ANTXR2: variants seen among roughly 807,000 people sequenced by gnomAD.
ANTXR2 encodes the protein anthrax toxin receptor 2.
In ANTXR2, 44 loss-of-function variants were observed where a neutral mutation model predicts 73.7. The ratio of observed to expected loss-of-function variants is 0.60; its 90% CI spans 0.47 to 0.77. The LOEUF is 0.77. Ranked by LOEUF, ANTXR2 falls within the 30% of genes least tolerant of loss-of-function variation. The probability of loss-of-function intolerance (pLI) is 0.00; values close to 1 mark genes in which losing one functional copy is unlikely to be tolerated. For missense variants in ANTXR2, 604 were observed against 592.5 expected (o/e 1.02, Z -0.20); for synonymous variants, 217 against 205.9 (o/e 1.05, Z -0.46).
intron 10 of ANTXR2, among the ~76,000 whole-genome samples, chr4:80,027,648 A>G (rs1299430816): frequency 1.3e-5 from 2 of 152,178 alleles, no homozygotes; most frequent in Non-Finnish European, 2.9e-5. Context: ...ATGCCTCCTT[A>G]AATCATCTCT....
intron 11 of ANTXR2, among the ~76,000 whole-genome samples, chr4:80,018,136 G>C (rs1462456867): frequency 6.6e-6 from 1 of 152,100 alleles, no homozygotes; most frequent in Admixed American, 6.5e-5. Flanking sequence ...TTTAGGTTTA[G>C]GATTTTGGTC....
chr4:80,030,378 A>G (rs1053569910), intron 10 of ANTXR2, among the ~76,000 whole-genome samples: 2 of 152,076 alleles, frequency 1.3e-5, no homozygotes, highest in African/African-American at 2.4e-5. Flanking sequence ...AAGTCAATAG[A>G]TGTATCATGG....
In ANTXR2 at chr4:80,051,339, C is replaced by T. The variant is rs575491513; in HGVS notation, c.636+2933G>A. Among the ~76,000 whole-genome samples, 6 of 151,802 alleles carry T rather than the reference C, an allele frequency of 4.0e-5. No homozygotes were observed. The South Asian group carries it at 6.2e-4, about 16-fold the overall frequency. On this transcript the variant is annotated intron_variant, in intron 7 of 16. Coordinates refer to ENST00000403729, the MANE Select transcript of ANTXR2 (RefSeq NM_058172.6). ...ACCTCAAATAATCATTCATTTCAAGCCCCTTTAGAGAGAATATGTCTTATT... is the reference window on the plus strand; with the variant it reads ...ACCTCAAATAATCATTCATTTCAAGTCCCTTTAGAGAGAATATGTCTTATT...
At chr4:80,035,779 T>C (rs567315289) in intron 8 of ANTXR2, among the ~76,000 whole-genome samples, 193 bp downstream of exon 8, 5 of 152,264 alleles carry the variant, frequency 3.3e-5, no homozygotes, top group African/African-American at 1.2e-4. Flanking sequence ...TTATTTAAAA[T>C]AACATTCCAA....
chr4:80,022,025 G>T (rs1282536264), intron 10 of ANTXR2, among the ~76,000 whole-genome samples: 1 of 152,058 alleles, frequency 6.6e-6, no homozygotes, highest in Non-Finnish European at 1.5e-5. Context: ...TCTCCATTTT[G>T]CCCATGAAGA....
chr4:80,070,191 C>T (rs2110126228), intron 2 of ANTXR2, among the ~76,000 whole-genome samples: 2 of 152,298 alleles, frequency 1.3e-5, no homozygotes, highest in South Asian at 4.1e-4. Flanking sequence ...AAACTAGAAT[C>T]TATAAACTGA....
At chr4:80,054,399 C>T in intron 6 of ANTXR2, 47 bp from the exon 7 acceptor site, 2 of 1,321,398 alleles carry the variant, frequency 1.5e-6, no homozygotes, top group Non-Finnish European at 2.1e-6. Flanking sequence ...CTGACACATA[C>T]AACAATTTAT....
intron 16 of ANTXR2, among the ~76,000 whole-genome samples, chr4:79,922,797 T>C (rs949140575): frequency 4.6e-5 from 7 of 152,130 alleles, no homozygotes; most frequent in African/African-American, 1.7e-4. Flanking sequence ...CACAGATATA[T>C]AGAGACAGAG....
intron 12 of ANTXR2, among the ~76,000 whole-genome samples, chr4:79,991,139 G>C (rs1020059098): frequency 6.6e-6 from 1 of 152,068 alleles, no homozygotes; most frequent in Non-Finnish European, 1.5e-5. Context: ...CACAGCGAAA[G>C]AAACTGTCAA....
At chr4:79,945,094 G>A (rs1244853155) in intron 16 of ANTXR2, among the ~76,000 whole-genome samples, 1 of 152,088 alleles carries the variant, frequency 6.6e-6, no homozygotes, top group Non-Finnish European at 1.5e-5. Flanking sequence ...TAACTAATGA[G>A]TATGATGTGC....
chr4:80,039,149 T>A (rs1733116786), intron 7 of ANTXR2, among the ~76,000 whole-genome samples: 1 of 152,126 alleles, frequency 6.6e-6, no homozygotes, highest in South Asian at 2.1e-4. Flanking sequence ...CTTCCATAAA[T>A]TATGAATGTT....
At chr4:79,957,805 A>C (rs1578111108) in intron 16 of ANTXR2, among the ~76,000 whole-genome samples, 1 of 152,058 alleles carries the variant, frequency 6.6e-6, no homozygotes, top group Non-Finnish European at 1.5e-5. Context: ...ATATAGACTT[A>C]ATGGTAAAAA....
intron 7 of ANTXR2, among the ~76,000 whole-genome samples, chr4:80,040,277 A>C (rs1352605156): frequency 1.3e-5 from 2 of 152,066 alleles, no homozygotes; most frequent in East Asian, 3.9e-4. Context: ...TGAATCTAAA[A>C]TAAAAATTGA....
At chr4:80,026,904 A>G (rs1393389437) in intron 10 of ANTXR2, among the ~76,000 whole-genome samples, 2 of 152,150 alleles carry the variant, frequency 1.3e-5, no homozygotes, top group Admixed American at 6.6e-5. Flanking sequence ...AGAACCGTAT[A>G]TAATACTTAG....
intron 8 of ANTXR2, 107 bp from the exon 9 acceptor site, chr4:80,033,677 C>G (rs1732811715): frequency 1.2e-6 from 1 of 801,772 alleles, no homozygotes; most frequent in South Asian, 1.9e-5. Context: ...TTTTTTCATA[C>G]TATTCAGTTA....
chr4:80,033,421 C>T, intron 9 of ANTXR2, 51 bp downstream of exon 9: 1 of 1,361,618 alleles, frequency 7.3e-7, no homozygotes, highest in Non-Finnish European at 1.0e-6. Flanking sequence ...ACATTTGATG[C>T]TGATGTGCTT....
chr4:80,064,325 ATTAT>A (rs1420354939), intron 3 of ANTXR2, among the ~76,000 whole-genome samples: 2 of 152,326 alleles, frequency 1.3e-5, no homozygotes, highest in East Asian at 3.9e-4. Context: ...CAAATATAAG[ATTAT>A]TTATTATGTG....
chr4:79,931,498 C>A (rs1728056435), intron 16 of ANTXR2, among the ~76,000 whole-genome samples: 1 of 151,866 alleles, frequency 6.6e-6, no homozygotes, highest in Non-Finnish European at 1.5e-5. Context: ...TCCCCAAACA[C>A]CCCACCCCCA....
At chr4:80,016,041 T>C (rs901045670) in intron 11 of ANTXR2, among the ~76,000 whole-genome samples, 1 of 151,786 alleles carries the variant, frequency 6.6e-6, no homozygotes, top group Non-Finnish European at 1.5e-5. Flanking sequence ...GTGTATTTCC[T>C]CAATCAAAGG....
Sources: allele counts gnomAD v4.1 joint callset (sites outside exome capture counted in the v4.1 genomes callset), GRCh38; gene constraint gnomAD v4.1.1; transcripts MANE v1.5; gene names NCBI Gene and HGNC (gene_info 2026-07-23, HGNC 2026-07-21).